NTM: variants seen among roughly 807,000 people sequenced by gnomAD.
The protein encoded by NTM is neurotrimin, also known as IgLON family member 2.
Under a neutral mutation model 42.1 loss-of-function variants are expected in NTM, and 13 were observed. The ratio of observed to expected loss-of-function variants is 0.31; its 90% CI spans 0.20 to 0.49. NTM has a LOEUF of 0.49. Ranked by LOEUF, NTM falls within the 20% of genes least tolerant of loss-of-function variation. The probability of loss-of-function intolerance (pLI) is 0.99; values close to 1 mark genes in which losing one functional copy is unlikely to be tolerated. For synonymous variants in NTM, 187 were observed against 179.2 expected (o/e 1.04, Z -0.35); for missense variants, 373 against 452.8 (o/e 0.82, Z 1.60).
chr11:132,164,142 T>C (rs2074880985), intron 3 of NTM, among the ~76,000 whole-genome samples: 1 of 152,250 alleles, frequency 6.6e-6, no homozygotes, highest in African/African-American at 2.4e-5. Context: ...TACAATATGG[T>C]GGGTAAGAGT....
At chr11:131,653,053 C>A (rs777813444) in intron 1 of NTM, among the ~76,000 whole-genome samples, 7 of 152,214 alleles carry the variant, frequency 4.6e-5, no homozygotes, top group Non-Finnish European at 7.3e-5. Context: ...ATTTGACGAG[C>A]TGCTGCAATT....
chr11:132,115,102 C>T (rs2063709678), intron 2 of NTM, among the ~76,000 whole-genome samples: 1 of 151,938 alleles, frequency 6.6e-6, no homozygotes, highest in South Asian at 2.1e-4. Context: ...TAGAAAAATC[C>T]AACTCATAAA....
intron 1 of NTM, among the ~76,000 whole-genome samples, chr11:131,906,994 T>C (rs2053959894): frequency 6.6e-6 from 1 of 152,170 alleles, no homozygotes; most frequent in Admixed American, 6.5e-5. Context: ...CCTAGAGGCA[T>C]CTCTTTATCC....
intron 1 of NTM, among the ~76,000 whole-genome samples, chr11:131,489,762 G>A (rs763363167): frequency 2.2e-4 from 33 of 152,278 alleles, no homozygotes; most frequent in Non-Finnish European, 4.4e-4. Flanking sequence ...AAGCCACTTA[G>A]CATTTTCAAT....
chr11:131,482,382 T>C (rs900041027), intron 1 of NTM, among the ~76,000 whole-genome samples: 2 of 152,228 alleles, frequency 1.3e-5, no homozygotes, highest in Non-Finnish European at 2.9e-5. Flanking sequence ...CTGAGACATA[T>C]ACATCATGCA....
chr11:131,598,683 TTTTCTTTCTTTC>T (rs199821939), intron 1 of NTM, among the ~76,000 whole-genome samples: 4,623 of 74,242 alleles, frequency 0.062, 652 homozygotes, highest in East Asian at 0.14. Context: ...TTCTCATTTG[TTTTCTTTCTTTC>T]TTTCTTTCTT....
intron 1 of NTM, among the ~76,000 whole-genome samples, chr11:131,636,013 C>G (rs976854678): frequency 6.6e-5 from 10 of 152,188 alleles, no homozygotes; most frequent in Admixed American, 4.6e-4. Flanking sequence ...CATCGAGGTT[C>G]GTGTAAGTGC....
At chr11:131,441,244 G>A (rs1035969795) in intron 1 of NTM, among the ~76,000 whole-genome samples, 4 of 152,152 alleles carry the variant, frequency 2.6e-5, no homozygotes, top group South Asian at 2.1e-4. Context: ...CCCAGAGACC[G>A]TGAATGTGCC....
At chr11:131,662,249 C>T (rs549095855) in intron 1 of NTM, 4 of 152,286 alleles carry the variant, frequency 2.6e-5, no homozygotes, top group Admixed American at 6.5e-5. Flanking sequence ...CCCAGCTTCC[C>T]CCTCTAAATT....
chr11:132,091,131 T>A (rs34384085), intron 2 of NTM, among the ~76,000 whole-genome samples: 5,384 of 152,272 alleles, frequency 0.035, 121 homozygotes, highest in Middle Eastern at 0.1. Context: ...AACCCTAGCT[T>A]ATAATCCTAG....
chr11:132,105,057 C>T (rs2062179414), intron 2 of NTM, among the ~76,000 whole-genome samples: 1 of 145,982 alleles, frequency 6.9e-6, no homozygotes, highest in Non-Finnish European at 1.5e-5. Context: ...CTCTGATGAG[C>T]TTTCACAATG....
At chr11:131,628,259 C>A (rs967552012) in intron 1 of NTM, among the ~76,000 whole-genome samples, 1 of 152,168 alleles carries the variant, frequency 6.6e-6, no homozygotes, top group Non-Finnish European at 1.5e-5. Flanking sequence ...CACGGGTGAC[C>A]CCTTCCTCCC....
At chr11:131,702,392 A>C (rs2076166244) in intron 1 of NTM, among the ~76,000 whole-genome samples, 2 of 152,244 alleles carry the variant, frequency 1.3e-5, no homozygotes, top group Admixed American at 6.5e-5. Context: ...TGATCTCATC[A>C]TCACAACAGT....
chr11:131,856,960 C>T (rs575780801), intron 1 of NTM, among the ~76,000 whole-genome samples: 4 of 152,278 alleles, frequency 2.6e-5, no homozygotes, highest in African/African-American at 4.8e-5. Context: ...GTACTTTTTC[C>T]TTTTTTCTCC....
rs545513790 is a variant in NTM, at chr11:131,766,406, G to T, written c.83-145158G>T. 2.6e-5 allele frequency among the ~76,000 whole-genome samples: 4 copies of T among 152,286 alleles called. No homozygotes were observed. In the East Asian group the frequency reaches 5.8e-4, roughly 22 times the overall value. ...TGTAGTCAGCCCAGGTGCAGAGGGC[G>T]ATGCGACAGAATGGCAGCAAAATCA... On this transcript the variant is annotated intron_variant, in intron 1 of 8. Transcript: ENST00000683400.
At chr11:131,933,772 G>A (rs927927138) in intron 2 of NTM, among the ~76,000 whole-genome samples, 1 of 152,112 alleles carries the variant, frequency 6.6e-6, no homozygotes, top group African/African-American at 2.4e-5. Context: ...TATTGAAATA[G>A]ATGAAATCTA....
chr11:131,487,930 G>A (rs1954361510), intron 1 of NTM, among the ~76,000 whole-genome samples: 1 of 152,202 alleles, frequency 6.6e-6, no homozygotes, highest in Non-Finnish European at 1.5e-5. Flanking sequence ...TAGCCAGTGA[G>A]GGAGAAGGTG....
intron 1 of NTM, among the ~76,000 whole-genome samples, chr11:131,650,266 C>T (rs966616398): frequency 6.6e-6 from 1 of 152,154 alleles, no homozygotes; most frequent in Admixed American, 6.5e-5. Context: ...AAAAGCAATG[C>T]CCTCCTAAAT....
At chr11:131,533,125 T>C (rs73574273) in intron 1 of NTM, among the ~76,000 whole-genome samples, 4,631 of 152,268 alleles carry the variant, frequency 0.03, 247 homozygotes, top group African/African-American at 0.11. Context: ...TACATTTTCC[T>C]GAATAAGTGA....
Sources: allele counts gnomAD v4.1 joint callset (sites outside exome capture counted in the v4.1 genomes callset), GRCh38; gene constraint gnomAD v4.1.1; transcripts MANE v1.5; gene names NCBI Gene and HGNC (gene_info 2026-07-23, HGNC 2026-07-21).